Variants in CALN1 observed in about 807,000 individuals in gnomAD.
The protein encoded by CALN1 is calneuron 1, also known as calcium-binding protein 8.
In CALN1, 17 loss-of-function variants were observed where a neutral mutation model predicts 30.6. The observed-to-expected ratio is 0.56, with a 90% confidence interval of 0.38 to 0.83. The LOEUF (loss-of-function observed/expected upper bound fraction) is 0.83, where lower values mean the gene tolerates loss of function less well. CALN1 is among the 40% of genes least tolerant of loss of function. The pLI, the probability that CALN1 is intolerant of heterozygous loss-of-function variation, is 0.00. For missense variants in CALN1, 291 were observed against 354.9 expected, an observed-to-expected ratio of 0.82 and a Z score of 1.45; for synonymous variants, 156 against 131.4, an observed-to-expected ratio of 1.19 and a Z score of -1.28.
intron 3 of CALN1, among the ~76,000 whole-genome samples, chr7:72,234,408 T>C (rs2129550833): frequency 6.6e-6 from 1 of 152,294 alleles, no homozygotes; most frequent in East Asian, 1.9e-4. Flanking sequence ...GGCTTTGTTA[T>C]TTGTTATCTG....
intron 3 of CALN1, among the ~76,000 whole-genome samples, chr7:72,224,652 G>A (rs2521199): frequency 0.011 from 1,637 of 152,154 alleles, 28 homozygotes; most frequent in African/African-American, 0.037. Flanking sequence ...GTGGTGGCCA[G>A]TGCCTGTAAT....
intron 1 of CALN1, among the ~76,000 whole-genome samples, chr7:72,409,767 C>G (rs1806984783): frequency 6.6e-6 from 1 of 152,038 alleles, no homozygotes; most frequent in Admixed American, 6.6e-5. Context: ...AACAGTGGTT[C>G]CCAGGCTGTT....
At chr7:72,479,743 G>T in the CALN1 span, among the ~76,000 whole-genome samples, 2 of 152,084 alleles carry the variant, frequency 1.3e-5, no homozygotes, top group South Asian at 2.1e-4. Context: ...TAGAGATGGG[G>T]TTTCGTCATG....
At chr7:72,275,356 C>T (rs997498137) in intron 3 of CALN1, among the ~76,000 whole-genome samples, 1 of 152,126 alleles carries the variant, frequency 6.6e-6, no homozygotes, top group African/African-American at 2.4e-5. Flanking sequence ...GCCCTGGAAA[C>T]TGGCTTCCCC....
At chr7:72,239,049 G>GT (rs1217581217) in intron 3 of CALN1, among the ~76,000 whole-genome samples, 2 of 152,142 alleles carry the variant, frequency 1.3e-5, no homozygotes, top group African/African-American at 4.8e-5. Flanking sequence ...TTTACAGCCA[G>GT]TAAGATGTTG....
intron 2 of CALN1, among the ~76,000 whole-genome samples, chr7:72,366,002 A>T (rs1356948601): frequency 6.6e-6 from 1 of 152,174 alleles, no homozygotes; most frequent in Non-Finnish European, 1.5e-5. Flanking sequence ...TCCTAAAATG[A>T]TAATCAGTCA....
intron 5 of CALN1, among the ~76,000 whole-genome samples, chr7:72,006,279 C>T (rs1799767709): frequency 6.6e-6 from 1 of 152,112 alleles, no homozygotes; most frequent in South Asian, 2.1e-4. Flanking sequence ...ATTTTAAATA[C>T]ATATTTCATG....
At chr7:72,452,383 T>A in the CALN1 span, among the ~76,000 whole-genome samples, 1 of 152,120 alleles carries the variant, frequency 6.6e-6, no homozygotes, top group Non-Finnish European at 1.5e-5. Context: ...GGTGGATCCC[T>A]TATGGATGGC....
intron 4 of CALN1, among the ~76,000 whole-genome samples, chr7:72,076,334 C>A (rs1410887547): frequency 6.6e-6 from 1 of 151,450 alleles, no homozygotes; most frequent in Non-Finnish European, 1.5e-5. Flanking sequence ...TGCGGTGGCT[C>A]ACTCCTGTAA....
chr7:72,253,770 T>C (rs1305011048), intron 3 of CALN1, among the ~76,000 whole-genome samples: 1 of 152,162 alleles, frequency 6.6e-6, no homozygotes, highest in African/African-American at 2.4e-5. Context: ...AGACAAAGTC[T>C]CACTCTGTTG....
At position 72,121,708 on chromosome 7, in the gene CALN1, G is replaced by A. The variant is rs1024630015; in HGVS notation, c.245-15414C>T. The stretch of plus-strand genomic sequence containing the variant: ...CCCAGAAACATGTTTGATTATTACA[G>A]ACATCAAATGTTTATTATAATAAAA... On this transcript the variant is annotated intron_variant, in intron 3 of 6. Coordinates refer to ENST00000395275, the MANE Select transcript of CALN1 (RefSeq NM_031468.4). 4.0e-5 allele frequency among the ~76,000 whole-genome samples: 6 copies of A among 148,374 alleles called. No individual in the cohort carries two copies. The East Asian group carries it at 1.2e-3, about 29-fold the overall frequency.
chr7:71,862,784 T>C (rs760485329), intron 5 of CALN1, among the ~76,000 whole-genome samples: 11 of 152,236 alleles, frequency 7.2e-5, no homozygotes, highest in Non-Finnish European at 1.6e-4. Context: ...TAAGGCAATA[T>C]GGTTACTTAC....
chr7:71,827,154 T>G (rs536043623), intron 5 of CALN1, among the ~76,000 whole-genome samples: 33 of 152,292 alleles, frequency 2.2e-4, no homozygotes, highest in African/African-American at 7.9e-4. Flanking sequence ...GCATTTCAAC[T>G]TGGCGTGTCA....
intron 3 of CALN1, among the ~76,000 whole-genome samples, chr7:72,245,481 T>C (rs1260098017): frequency 2.6e-5 from 4 of 151,594 alleles, no homozygotes; most frequent in Non-Finnish European, 5.9e-5. Flanking sequence ...TAGCCGGGCA[T>C]GGTGGTGGGC....
intron 4 of CALN1, among the ~76,000 whole-genome samples, chr7:72,058,894 G>T (rs1803461187): frequency 6.6e-6 from 1 of 152,136 alleles, no homozygotes; most frequent in Non-Finnish European, 1.5e-5. Context: ...GAAGAACGCT[G>T]TCTGGCTTTA....
chr7:72,258,610 T>G (rs1055635125), intron 3 of CALN1, among the ~76,000 whole-genome samples: 9 of 152,174 alleles, frequency 5.9e-5, no homozygotes, highest in African/African-American at 2.2e-4. Flanking sequence ...AAGCATGGCA[T>G]GTTAAACACA....
chr7:72,209,318 CTCCTTCCCTCTTTCCT>C (rs1792182054), intron 3 of CALN1, among the ~76,000 whole-genome samples: 1 of 49,254 alleles, frequency 2.0e-5, no homozygotes, highest in Non-Finnish European at 3.0e-5. Flanking sequence ...CCCTCCTTCC[CTCCTTCCCTCTTTCCT>C]TCCCTCTTTC....
chr7:72,407,625 G>A (rs935767052), intron 1 of CALN1, among the ~76,000 whole-genome samples: 22 of 152,244 alleles, frequency 1.4e-4, no homozygotes, highest in African/African-American at 5.3e-4. Flanking sequence ...CCCCAGCCAT[G>A]CTTCCTGTAT....
intron 5 of CALN1, among the ~76,000 whole-genome samples, chr7:72,007,306 T>C (rs1799825648): frequency 6.6e-6 from 1 of 152,170 alleles, no homozygotes; most frequent in Non-Finnish European, 1.5e-5. Context: ...AGCACTTTGG[T>C]AGGCCGAAGT....
Sources: allele counts gnomAD v4.1 joint callset (sites outside exome capture counted in the v4.1 genomes callset), GRCh38; gene constraint gnomAD v4.1.1; transcripts MANE v1.5; gene names NCBI Gene and HGNC (gene_info 2026-07-23, HGNC 2026-07-21).